Variants in BNIP5 observed in about 807,000 individuals in gnomAD.
The protein encoded by BNIP5 is protein BNIP5.
BNIP5 carries 61 observed loss-of-function variants against 67.3 expected under a neutral mutation model. That is an observed-to-expected ratio of 0.91 (90% CI 0.74 to 1.12). The LOEUF is 1.12. BNIP5 is among the 50% of genes most tolerant of loss of function. The pLI is 0.00. For synonymous variants in BNIP5, 317 were observed against 319.0 expected, an observed-to-expected ratio of 0.99 and a Z score of 0.07; for missense variants, 826 against 816.3, an observed-to-expected ratio of 1.01 and a Z score of -0.14.
intron 9 of BNIP5, 125 bp downstream of exon 9, chr6:36,322,186 C>T: frequency 8.0e-7 from 1 of 1,249,980 alleles, no homozygotes. Flanking sequence ...CTAGAGTCTC[C>T]TGGGGTCTTT....
At chr6:36,331,537 G>A (rs538401865) in intron 1 of BNIP5, among the ~76,000 whole-genome samples, 3 of 152,252 alleles carry the variant, frequency 2.0e-5, no homozygotes, top group East Asian at 1.9e-4. Context: ...TTCTGGCCCC[G>A]TGTTCTCATC....
At chr6:36,333,433 A>G (rs778067436) in intron 1 of BNIP5, among the ~76,000 whole-genome samples, 1 of 152,270 alleles carries the variant, frequency 6.6e-6, no homozygotes, top group South Asian at 2.1e-4. Flanking sequence ...AGGCTCAGAG[A>G]CTGGCTGCCT....
rs776674143 is a variant in BNIP5, at chr6:36,327,076, A to G, written c.746T>C (p.Met249Thr). 1 of 1,614,098 alleles carries G rather than the reference A, an allele frequency of 6.2e-7. No individual in the cohort carries two copies. Among genetic ancestry groups the G allele is most frequent in the Non-Finnish European group, 8.5e-7 (1 of 1,179,920 alleles). ...CACTCTTTTGAGCAATTCCACTATCATCTGAATGATAGCATCCTCTGGAAG... is the reference window on the plus strand; with the variant it reads ...CACTCTTTTGAGCAATTCCACTATCGTCTGAATGATAGCATCCTCTGGAAG... ...KKPDQDAIIQ[M>T]IVELLKRVGD... is the part of the protein sequence containing the mutation. The change falls in exon 4 of 12, where the codon ATG (methionine) becomes ACG (threonine). Residue 249 changes from methionine to threonine, a missense_variant. Physicochemically the swap from Met to Thr is moderately conservative, Grantham distance 81. Transcript: ENST00000437635.
In BNIP5 at chr6:36,316,576, T is replaced by C. The variant is rs1439551637; in HGVS notation, c.*780A>G. On this transcript the variant is annotated 3_prime_UTR_variant, in exon 12 of 12. Transcript: ENST00000437635. ...CAACAATCCATGGCAGTCCAGCCCA[T>C]TGAAGCCCTCCTCCACTTCCTGAAA... is the stretch of plus-strand genomic sequence containing the variant. 7.5e-6 allele frequency: 3 copies of C among 398,622 alleles called. No homozygotes were observed. The highest frequency in any genetic ancestry group is 1.3e-4 in the South Asian group (1 of 7,872). The allele number at this position is 398,622 out of a possible 1,614,324, so 24.7% of individuals were successfully genotyped here. A position where few individuals can be genotyped will look rare whatever the true frequency, so the allele number is the denominator to read the frequency against.
chr6:36,331,299 A>C (rs779194632), intron 1 of BNIP5, among the ~76,000 whole-genome samples: 6 of 152,042 alleles, frequency 3.9e-5, no homozygotes, highest in Non-Finnish European at 7.4e-5. Flanking sequence ...GGTCAGCCGC[A>C]CCTCCAGAGC....
intron 10 of BNIP5, 80 bp from the exon 11 acceptor site, chr6:36,319,690 C>A (rs574214842): frequency 4.0e-5 from 61 of 1,522,326 alleles, no homozygotes; most frequent in Non-Finnish European, 5.3e-5. Context: ...CAACTCCATG[C>A]AGCCAGGCGG....
intron 4 of BNIP5, 60 bp from the exon 5 acceptor site, chr6:36,326,813 T>C (rs1297524417): frequency 2.5e-6 from 4 of 1,603,922 alleles, no homozygotes; most frequent in Non-Finnish European, 3.4e-6. Flanking sequence ...GAAAGCTCTC[T>C]GGAGGCAAGT....
intron 1 of BNIP5, among the ~76,000 whole-genome samples, chr6:36,334,433 T>A (rs9462173): frequency 6.6e-6 from 1 of 151,934 alleles, no homozygotes; most frequent in Non-Finnish European, 1.5e-5. Context: ...CGTGCTTCAG[T>A]ATTTGATACC....
Position 36,330,072 on chromosome 6 carries a change from T to C in BNIP5, c.610+9A>G. The C allele has an allele frequency of 6.3e-7, 1 of 1,589,600 alleles. No individual in the cohort carries two copies. Among genetic ancestry groups the C allele is most frequent in the Non-Finnish European group, 8.5e-7 (1 of 1,173,302 alleles). The stretch of plus-strand genomic sequence containing the variant: ...GGGGTTGCCATAGGAACAGGCACGG[T>C]CCGCTCACCCCTGCGAGCTGGGCCC... On this transcript the variant is annotated intron_variant, in intron 2 of 11. Transcript: ENST00000437635.
At chr6:36,325,201 TGGC>T in intron 6 of BNIP5, 79 bp downstream of exon 6, 1 of 1,480,718 alleles carries the variant, frequency 6.8e-7, no homozygotes, top group Non-Finnish European at 9.4e-7. Flanking sequence ...TGCCTCTCTC[TGGC>T]TCAGTGTCTC....
chr6:36,327,413 G>A (rs1771789769), intron 3 of BNIP5, among the ~76,000 whole-genome samples: 2 of 152,314 alleles, frequency 1.3e-5, no homozygotes, highest in African/African-American at 4.8e-5. Flanking sequence ...CCTTGAATAA[G>A]TTTCTTAACC....
At position 36,330,248 on chromosome 6, in the gene BNIP5, G is replaced by T. The variant is rs1354018433; in HGVS notation, c.443C>A (p.Ala148Asp). ...GCGGCTGGGCTTCTTGTCGTGGTGG[G>T]CTTTCTTCCTGAGGGCTGGCTCCCC... ...AAGEPALRKK[A>D]HHDKKPSRKK... is the part of the protein sequence containing the mutation. Residue 148 changes from alanine (A) to aspartate (D), a missense_variant, in exon 2 of 12, where the codon GCC becomes GAC. Coordinates refer to ENST00000437635, the MANE Select transcript of BNIP5 (RefSeq NM_001010903.5). 3 of 1,614,058 alleles carry T rather than the reference G, an allele frequency of 1.9e-6. No homozygotes were observed. Among genetic ancestry groups the T allele is most frequent in the East Asian group, 2.2e-5 (1 of 44,900 alleles).
chr6:36,336,023 C>T (rs1437757860), intron 1 of BNIP5, among the ~76,000 whole-genome samples: 2 of 152,054 alleles, frequency 1.3e-5, no homozygotes, highest in Non-Finnish European at 1.5e-5. Flanking sequence ...GTATAGACAC[C>T]CATGCCCTCC....
intron 9 of BNIP5, 39 bp from the exon 10 acceptor site, chr6:36,321,258 G>GGCATCACCCA: frequency 3.4e-6 from 5 of 1,469,748 alleles, no homozygotes; most frequent in African/African-American, 1.4e-5. Flanking sequence ...CTGTTGACTG[G>GGCATCACCCA]GTGATGCCCA....
chr6:36,332,181 T>C (rs934353201), intron 1 of BNIP5, among the ~76,000 whole-genome samples: 4 of 152,186 alleles, frequency 2.6e-5, no homozygotes, highest in Non-Finnish European at 5.9e-5. Flanking sequence ...CAGCCCTGCT[T>C]GCTGTCCTTC....
rs1273511450 is a variant in BNIP5 at position 36,316,346 on chromosome 6, A to T, written c.*1010T>A. 5.0e-6 allele frequency: 2 copies of T among 396,812 alleles called. No homozygotes were observed. The highest frequency in any genetic ancestry group is 4.1e-5 in the African/African-American group (2 of 48,614). The allele number at this position is 396,812 out of a possible 1,614,324, so 24.6% of individuals were successfully genotyped here. On this transcript the variant is annotated 3_prime_UTR_variant, in exon 12 of 12. Coordinates refer to ENST00000437635, the MANE Select transcript of BNIP5 (RefSeq NM_001010903.5). ...GCAAATTTCACACCTGAGTCAAGCT[A>T]TTGAAACTGTTGAGCTATACAGAAG...
chr6:36,322,359 C>T lies in BNIP5; in HGVS notation c.1555G>A (p.Gly519Ser). The change falls in exon 9 of 12, where the codon GGC becomes AGC. Residue 519 changes from glycine to serine, a missense_variant. Physicochemically the swap from Gly to Ser is moderately conservative, Grantham distance 56. Coordinates refer to ENST00000437635, the MANE Select transcript of BNIP5 (RefSeq NM_001010903.5). ...VISEAPSQAR[G>S]HTPEGAPQLS... The stretch of plus-strand genomic sequence containing the variant: ...TGAGGTGCCCCTTCTGGCGTGTGGC[C>T]TCTAGCCTGGGAGGGTGCTTCTGAG... The T allele has an allele frequency of 6.2e-7, 1 of 1,614,194 alleles. No homozygotes were observed. The highest frequency in any genetic ancestry group is 8.5e-7 in the Non-Finnish European group (1 of 1,180,032).
rs776142226 is a variant in BNIP5 at position 36,319,362 on chromosome 6, G to T, written c.1917C>A (p.Asp639Glu). 34 of 1,613,840 alleles carry T rather than the reference G, an allele frequency of 2.1e-5. No homozygotes were observed. Among genetic ancestry groups the T allele is most frequent in the Non-Finnish European group, 2.8e-5 (33 of 1,179,900 alleles). ...YNCTQFPYRE[D>E]QPNITSPKVE... is the part of the protein sequence containing the mutation. ...CTTCCCCGCCCTCTCTCACCGGCTG[G>T]TCCTCCCTGTATGGGAACTGGGTGC... is the stretch of plus-strand genomic sequence containing the variant. The change falls in exon 11 of 12, where the codon GAC becomes GAA. Residue 639 changes from aspartate to glutamate, a missense_variant. Coordinates refer to ENST00000437635, the MANE Select transcript of BNIP5 (RefSeq NM_001010903.5).
chr6:36,317,507 G>A (rs1319030660), intron 11 of BNIP5, 116 bp from the exon 12 acceptor site: 1 of 884,022 alleles, frequency 1.1e-6, no homozygotes, highest in African/African-American at 1.7e-5. Context: ...CTCCATCTCT[G>A]GGTCTTTGTT....
Sources: allele counts gnomAD v4.1 joint callset (sites outside exome capture counted in the v4.1 genomes callset), GRCh38; gene constraint gnomAD v4.1.1; transcripts MANE v1.5; gene names NCBI Gene and HGNC (gene_info 2026-07-23, HGNC 2026-07-21).